Variants in ZNF469 observed in about 807,000 individuals in gnomAD.
ZNF469 encodes the protein zinc finger protein 469.
In ZNF469, 1 loss-of-function variant was observed where a neutral mutation model predicts 1.0. The ratio of observed to expected loss-of-function variants is 1.00; its 90% CI spans 0.35 to 4.73. The LOEUF (loss-of-function observed/expected upper bound fraction) is 4.73, where lower values mean the gene tolerates loss of function less well. Among genes scored for constraint, ZNF469 ranks in the 30% most tolerant of loss-of-function variants. The pLI, the probability that ZNF469 is intolerant of heterozygous loss-of-function variation, is 0.16. For synonymous variants in ZNF469, 2,703 were observed against 2,363.4 expected (o/e 1.14, Z -4.17); for missense variants, 6,100 against 5,356.3 (o/e 1.14, Z -4.33).
At chr16:88,108,376 T>C in the ZNF469 span, among the ~76,000 whole-genome samples, 1 of 152,168 alleles carries the variant, frequency 6.6e-6, no homozygotes, top group South Asian at 2.1e-4. Context: ...GTGCAGCCCA[T>C]CTCGATTCTG....
intron 1 of ZNF469, among the ~76,000 whole-genome samples, chr16:88,396,624 AGGAGACCCTCCTGAAGGGAGGCCGGGC>A (rs1259504894): frequency 0.016 from 2,366 of 144,288 alleles, 27 homozygotes; most frequent in Non-Finnish European, 0.024. Flanking sequence ...GGAGGCCGGG[AGGAGACCCTCCTGAAGGGAGGCCGGGC>A]GGAGACCCTC....
chr16:88,424,537 A>G lies in ZNF469; in HGVS notation c.-191-270A>G, dbSNP rs1161530693. ...ATCTATGCGTACATAAAGACCCAAC[A>G]AAAAGAGATTTAAGATAGCCGTCAA... is the stretch of plus-strand genomic sequence containing the variant. On this transcript the variant is annotated intron_variant, in intron 1 of 2. Transcript: ENST00000565624. This position sits in a 1 kb window ranked among gnomAD's most constrained non-coding sequence, Gnocchi z 4.3. Among the ~76,000 whole-genome samples the G allele has an allele frequency of 2.6e-5, 4 of 152,184 alleles. No individual in the cohort carries two copies. The highest frequency in any genetic ancestry group is 9.6e-5 in the African/African-American group (4 of 41,456).
At chr16:88,384,942 C>T (rs1161300892) in intron 1 of ZNF469, among the ~76,000 whole-genome samples, 1 of 152,182 alleles carries the variant, frequency 6.6e-6, no homozygotes, top group African/African-American at 2.4e-5. Context: ...TCCTGCAGTC[C>T]TACCAGCTGG....
At chr16:88,273,087 G>A in the ZNF469 span, among the ~76,000 whole-genome samples, 2 of 152,084 alleles carry the variant, frequency 1.3e-5, no homozygotes, top group Non-Finnish European at 2.9e-5. Context: ...ATGGGTGGAT[G>A]GATAGATAGA....
the ZNF469 span, among the ~76,000 whole-genome samples, chr16:88,344,739 G>A: frequency 0.37 from 56,387 of 152,054 alleles, 10,559 homozygotes; most frequent in African/African-American, 0.41. Context: ...CAGCCGGAAG[G>A]TCCCCCAAAG....
At chr16:88,227,036 C>A in the ZNF469 span, among the ~76,000 whole-genome samples, 1 of 145,428 alleles carries the variant, frequency 6.9e-6, no homozygotes, top group African/African-American at 2.5e-5. Flanking sequence ...GCGTTTCCAC[C>A]CGTGCCTCCT....
the ZNF469 span, among the ~76,000 whole-genome samples, chr16:88,265,810 G>A: frequency 6.6e-6 from 1 of 152,228 alleles, no homozygotes; most frequent in Non-Finnish European, 1.5e-5. Context: ...GCCCAACCAG[G>A]GGATCCCCGC....
At chr16:88,130,219 A>G in the ZNF469 span, among the ~76,000 whole-genome samples, 4 of 152,166 alleles carry the variant, frequency 2.6e-5, no homozygotes, top group Admixed American at 2.0e-4. Flanking sequence ...CAAGCTGTCC[A>G]GCCCTCCCTC....
chr16:88,338,866 A>G, the ZNF469 span, among the ~76,000 whole-genome samples: 1 of 152,172 alleles, frequency 6.6e-6, no homozygotes, highest in Non-Finnish European at 1.5e-5. Context: ...ACCCTCCTGG[A>G]GCCTCAGGAG....
chr16:88,132,711 C>A, the ZNF469 span, among the ~76,000 whole-genome samples: 1 of 152,338 alleles, frequency 6.6e-6, no homozygotes, highest in Non-Finnish European at 1.5e-5. Flanking sequence ...GACATAAGTG[C>A]GGCTCTCCTG....
At chr16:88,113,769 C>T in the ZNF469 span, among the ~76,000 whole-genome samples, 2 of 152,214 alleles carry the variant, frequency 1.3e-5, no homozygotes, top group Non-Finnish European at 2.9e-5. Flanking sequence ...CTTAATTTCA[C>T]CGACACGGCT....
chr16:88,351,355 C>T, the ZNF469 span, among the ~76,000 whole-genome samples: 3 of 152,154 alleles, frequency 2.0e-5, no homozygotes, highest in Admixed American at 1.3e-4. Flanking sequence ...CCCCACAGGC[C>T]TCTGTGCAGG....
the ZNF469 span, among the ~76,000 whole-genome samples, chr16:88,358,057 A>G: frequency 0.014 from 2,156 of 152,268 alleles, 57 homozygotes; most frequent in African/African-American, 0.048. Context: ...GCTGGGCCAG[A>G]TGGCCTCAAG....
At chr16:88,289,868 G>A in the ZNF469 span, among the ~76,000 whole-genome samples, 2 of 152,336 alleles carry the variant, frequency 1.3e-5, no homozygotes, top group South Asian at 2.1e-4. Flanking sequence ...GTGGAGTGAG[G>A]AGGGAATCCC....
chr16:88,432,691 T>C lies in ZNF469; in HGVS notation c.5221T>C (p.Cys1741Arg). 2 of 1,550,430 alleles carry C rather than the reference T, an allele frequency of 1.3e-6. No individual in the cohort carries two copies. Among genetic ancestry groups the C allele is most frequent in the Non-Finnish European group, 1.7e-6 (2 of 1,146,990 alleles). Residue 1741 changes from cysteine (C) to arginine (R), a missense_variant, in exon 3 of 3, where the codon TGC becomes CGC. Physicochemically the swap from Cys to Arg is radical, Grantham distance 180. Transcript: ENST00000565624. Reference sequence around the variant, plus strand: ...GCTGGATGCCGGGAGTTTAGCAAAGTGCAGCCCCGACCAGGAACTTTCATT... The same window carrying C: ...GCTGGATGCCGGGAGTTTAGCAAAGCGCAGCCCCGACCAGGAACTTTCATT... Reference protein sequence around the residue: ...PQLDAGSLAKCSPDQELSFPK... With the variant: ...PQLDAGSLAKRSPDQELSFPK...
Position 88,432,054 on chromosome 16 carries a change from T to G in ZNF469, c.4584T>G (p.Cys1528Trp), listed in dbSNP as rs1906230880. Residue 1528 changes from cysteine (C) to tryptophan (W), a missense_variant, in exon 3 of 3, where the codon TGT (cysteine) becomes TGG (tryptophan). Physicochemically the swap from Cys to Trp is radical, Grantham distance 215. Coordinates refer to ENST00000565624, the MANE Select transcript of ZNF469 (RefSeq NM_001367624.2). ...GGGGAAAGGTGCTCAGTAAGACGTG[T>G]CCCCCTGAACGGACAGTGGTTCCCG... ...LSGGKVLSKTCPPERTVVPGA... is the reference protein window; with the variant it reads ...LSGGKVLSKTWPPERTVVPGA... The G allele has an allele frequency of 1.9e-6, 3 of 1,550,344 alleles. No homozygotes were observed. Among genetic ancestry groups the G allele is most frequent in the Non-Finnish European group, 2.6e-6 (3 of 1,146,952 alleles).
the ZNF469 span, among the ~76,000 whole-genome samples, chr16:88,182,273 C>T: frequency 3.3e-5 from 5 of 152,060 alleles, no homozygotes; most frequent in Admixed American, 2.6e-4. Context: ...GATTTGAGGA[C>T]TCAGTATTGT....
chr16:88,380,049 A>T (rs140052228), upstream of ZNF469, among the ~76,000 whole-genome samples: 1 of 152,134 alleles, frequency 6.6e-6, no homozygotes, highest in Non-Finnish European at 1.5e-5. Context: ...ACATGCAGTC[A>T]CACACACACA....
chr16:88,303,936 T>A, the ZNF469 span, among the ~76,000 whole-genome samples: 1 of 152,194 alleles, frequency 6.6e-6, no homozygotes, highest in African/African-American at 2.4e-5. Flanking sequence ...TAATGAAAGT[T>A]GCTGATGAGG....
Sources: allele counts gnomAD v4.1 joint callset (sites outside exome capture counted in the v4.1 genomes callset), GRCh38; gene constraint gnomAD v4.1.1; non-coding constraint Gnocchi (gnomAD v3.1); transcripts MANE v1.5; gene names NCBI Gene and HGNC (gene_info 2026-07-23, HGNC 2026-07-21).